The following PRRC2C variants were observed in gnomAD, a reference collection of about 807,000 sequenced individuals.
PRRC2C encodes the protein proline rich coiled-coil 2C.
Under a neutral mutation model 317.2 loss-of-function variants are expected in PRRC2C, and 72 were observed. The observed-to-expected ratio is 0.23, with a 90% confidence interval of 0.19 to 0.28. The LOEUF (loss-of-function observed/expected upper bound fraction) is 0.28, where lower values mean the gene tolerates loss of function less well. Among genes scored for constraint, PRRC2C ranks in the 10% least tolerant of loss-of-function variants. The pLI is 1.00. For synonymous variants in PRRC2C, 1,296 were observed against 1,205.9 expected (o/e 1.07, Z -1.55); for missense variants, 3,074 against 3,459.7 (o/e 0.89, Z 2.80).
In PRRC2C at chr1:171,584,459, G is replaced by T; in HGVS notation, c.7682G>T (p.Gly2561Val). The T allele has an allele frequency of 6.3e-7, 1 of 1,592,126 alleles. No individual in the cohort carries two copies. Among genetic ancestry groups the T allele is most frequent in the East Asian group, 2.3e-5 (1 of 44,024 alleles). The change falls in exon 30 of 35, where the codon GGA becomes GTA. Residue 2561 changes from glycine (G) to valine (V), a missense_variant. This residue lies in a region of PRRC2C where 490 missense variants were observed against 663.1 expected (regional missense o/e 0.74). Transcript: ENST00000647382. The stretch of plus-strand genomic sequence containing the variant: ...ACCCAGGCCTCAAATCTTTATTCTG[G>T]ACAAGTACAACAGCCTGGTCAGACA... The part of the protein sequence containing the change: ...NLTQASNLYS[G>V]QVQQPGQTNF...
chr1:171,552,382 T>TA (rs1249685900), intron 18 of PRRC2C, among the ~76,000 whole-genome samples: 1 of 152,230 alleles, frequency 6.6e-6, no homozygotes, highest in African/African-American at 2.4e-5. Flanking sequence ...TGGGGTTTTC[T>TA]AAATATACAG....
intron 28 of PRRC2C, among the ~76,000 whole-genome samples, chr1:171,581,794 G>A (rs192447170): frequency 1.3e-5 from 2 of 152,256 alleles, no homozygotes; most frequent in East Asian, 3.9e-4. Flanking sequence ...CTTCCTTAGT[G>A]GCTTTTGTTC....
At chr1:171,550,680 G>C (rs989422844) in intron 18 of PRRC2C, among the ~76,000 whole-genome samples, 1 of 142,638 alleles carries the variant, frequency 7.0e-6, no homozygotes, top group Non-Finnish European at 1.5e-5. Flanking sequence ...AAGTGTTCTC[G>C]TTGTTCAGTT....
At position 171,579,906 on chromosome 1, in the gene PRRC2C, G is replaced by T. The variant is rs1648125928; in HGVS notation, c.7351G>T (p.Ala2451Ser). Residue 2451 changes from alanine (A) to serine (S), a missense_variant, in exon 28 of 35, where the codon GCT becomes TCT. Physicochemically the swap from Ala to Ser is moderately conservative, Grantham distance 99. Coordinates refer to ENST00000647382, the MANE Select transcript of PRRC2C (RefSeq NM_001387844.1). ...GCATCAAGCCCAACTGAGTTTGGGGGCTGGCCCTGCTGTTTCCCAGGCTCA... is the reference window on the plus strand; with the variant it reads ...GCATCAAGCCCAACTGAGTTTGGGGTCTGGCCCTGCTGTTTCCCAGGCTCA... Reference protein sequence around the residue: ...GQHQAQLSLGAGPAVSQAQEL... With the variant: ...GQHQAQLSLGSGPAVSQAQEL... 6.3e-7 allele frequency: 1 copy of T among 1,597,974 alleles called. No individual in the cohort carries two copies. The highest frequency in any genetic ancestry group is 2.3e-5 in the East Asian group (1 of 44,260).
At chr1:171,532,017 A>G (rs768321276) in intron 11 of PRRC2C, among the ~76,000 whole-genome samples, 7 of 152,136 alleles carry the variant, frequency 4.6e-5, no homozygotes. Context: ...TCCATGCTAA[A>G]TTTCCTTTGT....
intron 32 of PRRC2C, 144 bp from the exon 33 acceptor site, chr1:171,588,235 C>A: frequency 1.1e-6 from 1 of 923,508 alleles, no homozygotes; most frequent in Non-Finnish European, 1.7e-6. Flanking sequence ...TGTCTCTCTT[C>A]TACCAGAATG....
Position 171,540,593 on chromosome 1 carries a change from A to G in PRRC2C, c.3127A>G (p.Lys1043Glu), listed in dbSNP as rs146744342. 9.8e-4 allele frequency: 1,574 copies of G among 1,613,924 alleles called. 1 individual carries two copies. Among genetic ancestry groups the G allele is most frequent in the Non-Finnish European group, 1.2e-3 (1,444 of 1,179,874 alleles). ...RKEKEGEKAE[K>E]VTEKVVVKPE... The stretch of plus-strand genomic sequence containing the variant: ...GGAGAAAGAAGGAGAAAAGGCCGAA[A>G]AGGTCACTGAAAAAGTAGTTGTAAA... Residue 1043 changes from lysine (K) to glutamate (E), a missense_variant, in exon 16 of 35, where the codon AAG becomes GAG. Lys to Glu is a moderately conservative substitution (Grantham distance 56, BLOSUM62 1). Around this residue, in one of 11 missense-constraint regions of PRRC2C, gnomAD observed 1,320 missense variants for 1,395.7 expected, o/e 0.95. Transcript: ENST00000647382.
intron 1 of PRRC2C, among the ~76,000 whole-genome samples, chr1:171,491,613 T>G (rs139240327): frequency 5.3e-4 from 80 of 152,342 alleles, no homozygotes; most frequent in African/African-American, 1.7e-3. Context: ...GGAGAAATGG[T>G]CACTAAGGAA....
intron 4 of PRRC2C, 131 bp from the exon 5 acceptor site, chr1:171,515,603 G>A: frequency 1.3e-6 from 1 of 751,528 alleles, no homozygotes; most frequent in Non-Finnish European, 2.1e-6. Flanking sequence ...AAGTGATATG[G>A]CTATGAACAG....
In PRRC2C at chr1:171,571,300, T is replaced by C; in HGVS notation, c.6652-20T>C. ...GTAGACACATAGTTAGATTGTGATA[T>C]GTGTTGCCTACCTTTTCAGGTGCCC... On this transcript the variant is annotated intron_variant, in intron 23 of 34. Transcript: ENST00000647382. 1.4e-6 allele frequency: 2 copies of C among 1,409,050 alleles called. No individual in the cohort carries two copies. The highest frequency in any genetic ancestry group is 2.0e-6 in the Non-Finnish European group (2 of 994,760). 87.3% of individuals were successfully genotyped at this position (1,409,050 alleles called of 1,614,324 possible). A position where few individuals can be genotyped will look rare whatever the true frequency, so the allele number is the denominator to read the frequency against.
chr1:171,558,977 G>C (rs1682016248), intron 19 of PRRC2C, among the ~76,000 whole-genome samples: 1 of 152,198 alleles, frequency 6.6e-6, no homozygotes, highest in Non-Finnish European at 1.5e-5. Flanking sequence ...CTGGATAGCA[G>C]GTCAATCCAG....
intron 16 of PRRC2C, among the ~76,000 whole-genome samples, chr1:171,544,445 A>T (rs1274739038): frequency 6.6e-5 from 10 of 152,220 alleles, no homozygotes; most frequent in African/African-American, 2.4e-4. Context: ...CTTTTGAGGG[A>T]TATGTTCAAA....
chr1:171,541,490 A>C lies in PRRC2C; in HGVS notation c.4024A>C (p.Thr1342Pro). ...AGGCTTTCTTCCTAAAGGAGAGCCT[A>C]CAAGGAGAGGCAGAGGGGGAACATT... Reference protein sequence around the residue: ...KPGFLPKGEPTRRGRGGTFRR... With the variant: ...KPGFLPKGEPPRRGRGGTFRR... The change falls in exon 16 of 35, where the codon ACA (threonine) becomes CCA (proline). Residue 1342 changes from threonine to proline, a missense_variant. By Grantham distance (38) the Thr-to-Pro change is conservative. Around this residue, in one of 11 missense-constraint regions of PRRC2C, gnomAD observed 1,320 missense variants for 1,395.7 expected, o/e 0.95. Transcript: ENST00000647382. The surrounding 1 kb of genome is among the most constrained non-coding windows in gnomAD (Gnocchi z 4.1). The C allele has an allele frequency of 6.2e-7, 1 of 1,613,752 alleles. No homozygotes were observed. Among genetic ancestry groups the C allele is most frequent in the Non-Finnish European group, 8.5e-7 (1 of 1,179,768 alleles).
rs573272665 is a variant in PRRC2C, at chr1:171,582,747, G to T, written c.7410-1209G>T. On this transcript the variant is annotated intron_variant, in intron 28 of 34. Transcript: ENST00000647382. Reference sequence around the variant, plus strand: ...ATGTATAGAGCACTTACCATGAATGGAGCTTGCAGGACTGGCAGTTGCTGT... The same window carrying T: ...ATGTATAGAGCACTTACCATGAATGTAGCTTGCAGGACTGGCAGTTGCTGT... Among the ~76,000 whole-genome samples the T allele has an allele frequency of 5.3e-5, 8 of 151,588 alleles. No homozygotes were observed. The South Asian group carries it at 1.7e-3, about 32-fold the overall frequency.
At chr1:171,534,940 C>G (rs1676544098) in intron 12 of PRRC2C, among the ~76,000 whole-genome samples, 1 of 152,198 alleles carries the variant, frequency 6.6e-6, no homozygotes, top group African/African-American at 2.4e-5. Context: ...AGTGATCACT[C>G]TGTTGTCTTC....
intron 12 of PRRC2C, among the ~76,000 whole-genome samples, chr1:171,534,987 T>C (rs1047653762): frequency 6.6e-6 from 1 of 152,198 alleles, no homozygotes; most frequent in African/African-American, 2.4e-5. Context: ...CAGATAATAG[T>C]CCCTTTACCC....
chr1:171,517,993 A>G (rs1368564501), intron 6 of PRRC2C, among the ~76,000 whole-genome samples, 179 bp downstream of exon 6: 1 of 152,262 alleles, frequency 6.6e-6, no homozygotes, highest in African/African-American at 2.4e-5. Context: ...TGTAAACACC[A>G]GAAGATAGAG....
At chr1:171,549,107 CAG>C (rs1679704749) in intron 17 of PRRC2C, among the ~76,000 whole-genome samples, 1 of 152,208 alleles carries the variant, frequency 6.6e-6, no homozygotes, top group Non-Finnish European at 1.5e-5. Context: ...CTACATAAAA[CAG>C]AGACATTAAG....
chr1:171,517,870 A>G, intron 6 of PRRC2C, 56 bp downstream of exon 6: 2 of 1,486,188 alleles, frequency 1.3e-6, no homozygotes, highest in Non-Finnish European at 1.8e-6. Flanking sequence ...TCTGGGGTCC[A>G]AGGAGCGAAT....
Sources: gnomAD v4.1 joint callset for allele counts (sites outside exome capture counted in the v4.1 genomes callset) on GRCh38, gnomAD v4.1.1 for gene constraint, gnomAD v4.1.1 regional missense constraint, Gnocchi (gnomAD v3.1) non-coding constraint, MANE v1.5 for transcripts, NCBI Gene and HGNC (gene_info 2026-07-23, HGNC 2026-07-21) for gene names.